OTUD7A: variants seen among roughly 807,000 people sequenced by gnomAD.
The protein encoded by OTUD7A is OTU deubiquitinase 7A.
Under a neutral mutation model 65.7 loss-of-function variants are expected in OTUD7A, and 12 were observed. That is an observed-to-expected ratio of 0.18 (90% CI 0.12 to 0.30). The LOEUF (loss-of-function observed/expected upper bound fraction) is 0.30. Ranked by LOEUF, OTUD7A falls within the 10% of genes least tolerant of loss-of-function variation. The pLI is 1.00. For synonymous variants in OTUD7A, 641 were observed against 586.3 expected (o/e 1.09, Z -1.35); for missense variants, 1,148 against 1,304.8 (o/e 0.88, Z 1.85).
At position 31,483,498 on chromosome 15, in the gene OTUD7A, G is replaced by A. The variant is rs771279645; in HGVS notation, c.2598C>T (p.Arg866=). 1.0e-4 allele frequency: 143 copies of A among 1,395,806 alleles called. No individual in the cohort carries two copies. Among genetic ancestry groups the A allele is most frequent in the Non-Finnish European group, 1.3e-4 (135 of 1,072,990 alleles). 86.5% of individuals were successfully genotyped at this position (1,395,806 alleles called of 1,614,324 possible). A position where few individuals can be genotyped will look rare whatever the true frequency, so the allele number is the denominator to read the frequency against. Reference sequence around the variant, plus strand: ...CGGCGTCGGCGAACTCCAGGCCGTCGCGCAGGGCGCCGAAGCCGTTGGTGT... The same window carrying A: ...CGGCGTCGGCGAACTCCAGGCCGTCACGCAGGGCGCCGAAGCCGTTGGTGT... ...QTYTNGFGAL[R]DGLEFADADA... Residue 866 remains arginine (R), a synonymous_variant, in exon 13 of 13, where the codon CGC becomes CGT. Coordinates refer to ENST00000307050, the MANE Select transcript of OTUD7A (RefSeq NM_001382637.1).
chr15:31,615,796 T>C (rs1890568190), intron 3 of OTUD7A, among the ~76,000 whole-genome samples: 1 of 152,232 alleles, frequency 6.6e-6, no homozygotes, highest in African/African-American at 2.4e-5. Context: ...TGTGCCACCG[T>C]GCCCAGGTGA....
intron 5 of OTUD7A, among the ~76,000 whole-genome samples, chr15:31,539,712 CAGA>C (rs1466588759): frequency 6.6e-6 from 1 of 152,070 alleles, no homozygotes; most frequent in Non-Finnish European, 1.5e-5. Flanking sequence ...TCTTTATTTT[CAGA>C]AGAAGTGAAG....
At chr15:31,709,131 T>C (rs1893374062) in intron 1 of OTUD7A, among the ~76,000 whole-genome samples, 1 of 151,544 alleles carries the variant, frequency 6.6e-6, no homozygotes, top group South Asian at 2.1e-4. Context: ...AAGAGCTGTG[T>C]GCGCTCCTGC....
At chr15:31,628,144 GT>G (rs1891022639) in intron 3 of OTUD7A, among the ~76,000 whole-genome samples, 1 of 152,156 alleles carries the variant, frequency 6.6e-6, no homozygotes. Flanking sequence ...TGCTTTTGGT[GT>G]TTTAGACATG....
intron 1 of OTUD7A, among the ~76,000 whole-genome samples, chr15:31,809,167 C>T (rs763554253): frequency 2.0e-5 from 3 of 152,196 alleles, no homozygotes; most frequent in Non-Finnish European, 4.4e-5. Context: ...ACTCTGCTCT[C>T]GATTTGCATC....
chr15:31,815,610 G>C (rs778532073), intron 1 of OTUD7A, among the ~76,000 whole-genome samples: 16 of 152,234 alleles, frequency 1.1e-4, no homozygotes, highest in Non-Finnish European at 2.1e-4. Context: ...AGTTCACTTT[G>C]CAAAGATCCT....
chr15:31,690,596 C>T (rs4375627), intron 1 of OTUD7A, among the ~76,000 whole-genome samples: 1 of 152,224 alleles, frequency 6.6e-6, no homozygotes, highest in Non-Finnish European at 1.5e-5. Flanking sequence ...TCCTCAAATA[C>T]ATGGTTAAAT....
intron 1 of OTUD7A, among the ~76,000 whole-genome samples, chr15:31,680,796 T>A (rs1892695889): frequency 6.6e-6 from 1 of 152,118 alleles, no homozygotes; most frequent in Non-Finnish European, 1.5e-5. Flanking sequence ...GCAGCTGAAG[T>A]GATGTGGGCT....
At chr15:31,856,547 T>C (rs1897579302) in intron 1 of OTUD7A, among the ~76,000 whole-genome samples, 1 of 152,166 alleles carries the variant, frequency 6.6e-6, no homozygotes, top group Non-Finnish European at 1.5e-5. Flanking sequence ...TCTGTATTAG[T>C]TTTATCTTTG....
chr15:31,747,370 TG>T (rs1255343916), intron 1 of OTUD7A, among the ~76,000 whole-genome samples: 1 of 152,200 alleles, frequency 6.6e-6, no homozygotes, highest in Non-Finnish European at 1.5e-5. Context: ...AGGAAAAGGC[TG>T]ATTTCAGTGC....
intron 3 of OTUD7A, among the ~76,000 whole-genome samples, chr15:31,636,317 C>T (rs1015085623): frequency 6.6e-5 from 10 of 152,194 alleles, no homozygotes; most frequent in African/African-American, 2.4e-4. Context: ...TTATAGTGAT[C>T]TGTGCTCAGT....
intron 5 of OTUD7A, among the ~76,000 whole-genome samples, chr15:31,536,184 T>C (rs890944027): frequency 6.6e-6 from 1 of 152,248 alleles, no homozygotes; most frequent in Non-Finnish European, 1.5e-5. Context: ...TCCTACCTGA[T>C]GACAGGTGCA....
Position 31,635,579 on chromosome 15 carries a change from C to T in OTUD7A, c.151+19517G>A, listed in dbSNP as rs532937376. On this transcript the variant is annotated intron_variant, in intron 3 of 12. Transcript: ENST00000307050. ...TGCTTCCAGGGAGGGTGTATGAAGG[C>T]GCTAACTCCAACCTGGATGTTTTAG... is the stretch of plus-strand genomic sequence containing the variant. Among the ~76,000 whole-genome samples the T allele has an allele frequency of 1.1e-4, 16 of 152,302 alleles. No homozygotes were observed. The East Asian group carries it at 1.7e-3, about 17-fold the overall frequency.
At chr15:31,660,475 G>A (rs1892131658) in intron 1 of OTUD7A, among the ~76,000 whole-genome samples, 1 of 152,244 alleles carries the variant, frequency 6.6e-6, no homozygotes, top group Non-Finnish European at 1.5e-5. Context: ...GCGGGGGCAT[G>A]AGTTCTGGGA....
rs752101108 is a variant in OTUD7A, at chr15:31,484,612, T to C, written c.1484A>G (p.Asn495Ser). 6 of 1,603,956 alleles carry C rather than the reference T, an allele frequency of 3.7e-6. No homozygotes were observed. In the South Asian group the frequency reaches 4.4e-5, roughly 12 times the overall value. ...CTTGTCCTTGCCGTTCTTGCCGTTATTGCTGTTAGAATTGCTGCACACCGA... is the reference window on the plus strand; with the variant it reads ...CTTGTCCTTGCCGTTCTTGCCGTTACTGCTGTTAGAATTGCTGCACACCGA... ...RDSVCSNSNS[N>S]NGKNGKDKEK... Residue 495 changes from asparagine to serine, a missense_variant, in exon 13 of 13, where the codon AAT becomes AGT. Physicochemically the swap from Asn to Ser is conservative, Grantham distance 46. This residue lies in a region of OTUD7A where 842 missense variants were observed against 769.5 expected (regional missense o/e 1.09). Transcript: ENST00000307050. This position sits in a 1 kb window ranked among gnomAD's most constrained non-coding sequence, Gnocchi z 4.5.
At chr15:31,660,646 T>C (rs918506147) in intron 1 of OTUD7A, among the ~76,000 whole-genome samples, 1 of 152,166 alleles carries the variant, frequency 6.6e-6, no homozygotes, top group African/African-American at 2.4e-5. Context: ...GGAAATTCAA[T>C]GTAAAAAGCC....
At chr15:31,621,305 C>A (rs1890774181) in intron 3 of OTUD7A, among the ~76,000 whole-genome samples, 2 of 152,246 alleles carry the variant, frequency 1.3e-5, no homozygotes, top group South Asian at 4.2e-4. Flanking sequence ...GAGCTGAGTT[C>A]AATTCCTGGA....
rs35563680 is a variant in OTUD7A at position 31,646,545 on chromosome 15, C to A, written c.151+8551G>T. Reference sequence around the variant, plus strand: ...GTGTGATCTTGGCTCACTGCAACCTCTGCCTCCTGGGTTCAAGCAATTCTC... The same window carrying A: ...GTGTGATCTTGGCTCACTGCAACCTATGCCTCCTGGGTTCAAGCAATTCTC... On this transcript the variant is annotated intron_variant, in intron 3 of 12. Coordinates refer to ENST00000307050, the MANE Select transcript of OTUD7A (RefSeq NM_001382637.1). Among the ~76,000 whole-genome samples, 536 of 151,466 alleles carry A rather than the reference C, an allele frequency of 3.5e-3. 2 individuals are homozygous for A. The highest frequency in any genetic ancestry group is 0.018 in the South Asian group (88 of 4,784).
chr15:31,720,762 C>T (rs1893715357), intron 1 of OTUD7A, among the ~76,000 whole-genome samples: 1 of 151,254 alleles, frequency 6.6e-6, no homozygotes, highest in Non-Finnish European at 1.5e-5. Context: ...CTAAAGTCTA[C>T]AGCAGTGTAA....
Sources: allele counts gnomAD v4.1 joint callset (sites outside exome capture counted in the v4.1 genomes callset), GRCh38; gene constraint gnomAD v4.1.1; regional missense constraint gnomAD v4.1.1; non-coding constraint Gnocchi (gnomAD v3.1); transcripts MANE v1.5; gene names NCBI Gene and HGNC (gene_info 2026-07-23, HGNC 2026-07-21).